Variants in GABBR2 observed in about 807,000 individuals in gnomAD.
The protein encoded by GABBR2 is gamma-aminobutyric acid type B receptor subunit 2.
GABBR2 carries 23 observed loss-of-function variants against 105.6 expected under a neutral mutation model. The observed-to-expected ratio is 0.22, with a 90% CI of 0.16 to 0.31. The LOEUF (loss-of-function observed/expected upper bound fraction) is 0.31. Among genes scored for constraint, GABBR2 ranks in the 10% least tolerant of loss-of-function variants. GABBR2 has a pLI of 1.00. For missense variants in GABBR2, 734 were observed against 1,245.5 expected, an observed-to-expected ratio of 0.59 and a Z score of 6.18; for synonymous variants, 478 against 499.7, an observed-to-expected ratio of 0.96 and a Z score of 0.58.
At chr9:98,296,950 G>A (rs998124617) in intron 17 of GABBR2, among the ~76,000 whole-genome samples, 1 of 151,922 alleles carries the variant, frequency 6.6e-6, no homozygotes, top group Non-Finnish European at 1.5e-5. Context: ...AACTGAGACA[G>A]GTCCTCCACT....
At chr9:98,624,694 G>A (rs1179989481) in intron 1 of GABBR2, among the ~76,000 whole-genome samples, 1 of 152,114 alleles carries the variant, frequency 6.6e-6, no homozygotes, top group Non-Finnish European at 1.5e-5. Context: ...GGTCTCTGTG[G>A]ACCCGCCTAA....
In GABBR2 at chr9:98,400,184, C is replaced by CTT. The variant is rs552889618; in HGVS notation, c.1297+5895_1297+5896dup. Among the ~76,000 whole-genome samples, 869 of 136,262 alleles carry CTT rather than the reference C, an allele frequency of 6.4e-3. 10 individuals are homozygous for CTT. The highest frequency in any genetic ancestry group is 0.023 in the African/African-American group (823 of 35,164). The allele number at this position is 136,262 out of a possible 152,430, so 89.4% of individuals were successfully genotyped here. On this transcript the variant is annotated intron_variant, in intron 8 of 18. Transcript: ENST00000259455. ...CCCAGGCAACAGAGGGAGACCCTGC[C>CTT]TTTTTTTTTTTTAAAAAAAAAAGAA...
intron 13 of GABBR2, among the ~76,000 whole-genome samples, chr9:98,342,143 G>A (rs183837778): frequency 2.2e-3 from 329 of 152,234 alleles, no homozygotes; most frequent in Non-Finnish European, 2.6e-3. Flanking sequence ...ACAGGACACA[G>A]GTGTCCATCC....
At chr9:98,371,700 T>G (rs1012181241) in intron 11 of GABBR2, 129 bp from the exon 12 acceptor site, 1 of 620,898 alleles carries the variant, frequency 1.6e-6, no homozygotes, top group African/African-American at 1.8e-5. Context: ...TAGTTGAGTT[T>G]CATTGGCATC....
intron 13 of GABBR2, among the ~76,000 whole-genome samples, chr9:98,353,312 T>G (rs1831432448): frequency 6.6e-6 from 1 of 152,212 alleles, no homozygotes; most frequent in Admixed American, 6.5e-5. Context: ...CTAATTCGAA[T>G]TATCTTGCTA....
intron 1 of GABBR2, among the ~76,000 whole-genome samples, chr9:98,594,328 T>C (rs1829196596): frequency 6.6e-6 from 1 of 152,176 alleles, no homozygotes; most frequent in Admixed American, 6.5e-5. Flanking sequence ...CCCAAGCCCA[T>C]CACGACACTG....
intron 1 of GABBR2, among the ~76,000 whole-genome samples, chr9:98,689,518 G>T (rs770104169): frequency 6.6e-6 from 1 of 152,194 alleles, no homozygotes; most frequent in African/African-American, 2.4e-5. Flanking sequence ...GCTCATGCCT[G>T]TGCCTAGTGC....
chr9:98,566,798 C>CAAAAAAAA (rs55752458), intron 2 of GABBR2, among the ~76,000 whole-genome samples: 2 of 88,204 alleles, frequency 2.3e-5, no homozygotes, highest in African/African-American at 4.4e-5. Flanking sequence ...AAGACACTGT[C>CAAAAAAAA]AAAAAAAAAA....
chr9:98,421,746 TTTAA>T (rs1176651401), intron 7 of GABBR2, among the ~76,000 whole-genome samples: 5 of 152,342 alleles, frequency 3.3e-5, no homozygotes, highest in Admixed American at 2.6e-4. Context: ...CAAAGGGATG[TTTAA>T]TTGTTTAACA....
At chr9:98,465,121 T>TAAAAAAAAAAAAAAAAAA (rs57747633) in intron 6 of GABBR2, among the ~76,000 whole-genome samples, 90 of 22,002 alleles carry the variant, frequency 4.1e-3, no homozygotes, top group Admixed American at 5.2e-3. Context: ...CAATAAATAC[T>TAAAAAAAAAAAAAAAAAA]AAAAAAAAAA....
chr9:98,326,446 T>G (rs955492139), intron 13 of GABBR2, among the ~76,000 whole-genome samples: 3 of 152,190 alleles, frequency 2.0e-5, no homozygotes, highest in Non-Finnish European at 4.4e-5. Context: ...GCCACCAACA[T>G]CCCATCTGCT....
At chr9:98,586,226 C>CCAGGG (rs1322130548) in intron 1 of GABBR2, among the ~76,000 whole-genome samples, 1 of 152,028 alleles carries the variant, frequency 6.6e-6, no homozygotes, top group African/African-American at 2.4e-5. Context: ...CCTCCTTTAC[C>CCAGGG]CAGGGGGAGC....
At position 98,387,764 on chromosome 9, in the gene GABBR2, A is replaced by C. The variant is rs559543920; in HGVS notation, c.1529+1090T>G. The stretch of plus-strand genomic sequence containing the variant: ...CAGCATAGTGAGACTGTCTCTTAAA[A>C]AAGTAAAATAAAATAAAATAAATTA... On this transcript the variant is annotated intron_variant, in intron 10 of 18. Transcript: ENST00000259455. Among the ~76,000 whole-genome samples the C allele has an allele frequency of 7.2e-5, 11 of 151,932 alleles. No homozygotes were observed. The East Asian group carries it at 2.1e-3, about 29-fold the overall frequency.
chr9:98,678,966 C>T (rs1057357444), intron 1 of GABBR2, among the ~76,000 whole-genome samples: 3 of 152,132 alleles, frequency 2.0e-5, no homozygotes, highest in Non-Finnish European at 2.9e-5. Flanking sequence ...ATGGAAGAGG[C>T]TGAAAAAGCA....
intron 1 of GABBR2, among the ~76,000 whole-genome samples, chr9:98,626,940 T>A (rs1829745282): frequency 2.0e-5 from 3 of 152,210 alleles, no homozygotes; most frequent in Admixed American, 1.3e-4. Context: ...ATTGACATCA[T>A]CCTGCTTCAG....
intron 7 of GABBR2, among the ~76,000 whole-genome samples, chr9:98,453,471 T>G (rs1485377512): frequency 6.6e-6 from 1 of 152,210 alleles, no homozygotes; most frequent in Admixed American, 6.5e-5. Flanking sequence ...CCAAAATTAG[T>G]CCATAAGAGG....
At chr9:98,522,271 C>T (rs1827882758) in intron 3 of GABBR2, among the ~76,000 whole-genome samples, 1 of 151,924 alleles carries the variant, frequency 6.6e-6, no homozygotes, top group African/African-American at 2.4e-5. Context: ...CAAAGGCTCA[C>T]TCATGAATTA....
chr9:98,361,848 C>T (rs890891468), intron 13 of GABBR2, among the ~76,000 whole-genome samples: 3 of 152,162 alleles, frequency 2.0e-5, no homozygotes, highest in African/African-American at 4.8e-5. Flanking sequence ...AACACTGTCT[C>T]GAGATAAATG....
At chr9:98,596,387 G>A (rs1306973416) in intron 1 of GABBR2, among the ~76,000 whole-genome samples, 1 of 152,158 alleles carries the variant, frequency 6.6e-6, no homozygotes, top group African/African-American at 2.4e-5. Context: ...TTTTCCCAAT[G>A]GGGGAAATAA....
Sources: gnomAD v4.1 joint callset for allele counts (sites outside exome capture counted in the v4.1 genomes callset) on GRCh38, gnomAD v4.1.1 for gene constraint, MANE v1.5 for transcripts, NCBI Gene and HGNC (gene_info 2026-07-23, HGNC 2026-07-21) for gene names.